The following TACC1 variants were observed in gnomAD, a reference collection of about 807,000 sequenced individuals.
TACC1 encodes the protein transforming acidic coiled-coil containing protein 1, also known as transforming acidic coiled-coil-containing protein 1.
TACC1 carries 48 observed loss-of-function variants against 84.4 expected under a neutral mutation model. The observed-to-expected ratio is 0.57, with a 90% CI of 0.45 to 0.72. The LOEUF is 0.72. Among genes scored for constraint, TACC1 ranks in the 30% least tolerant of loss-of-function variants. TACC1 has a pLI of 0.00. For missense variants in TACC1, 920 were observed against 973.0 expected, an observed-to-expected ratio of 0.95 and a Z score of 0.72; for synonymous variants, 372 against 376.3, an observed-to-expected ratio of 0.99 and a Z score of 0.13.
At chr8:38,832,682 G>T (rs1451600030) in intron 6 of TACC1, among the ~76,000 whole-genome samples, 2 of 152,180 alleles carry the variant, frequency 1.3e-5, no homozygotes, top group Non-Finnish European at 2.9e-5. Context: ...TTCAGCTGTT[G>T]TTCCACAGCA....
rs532243532 is a variant in TACC1 at position 38,838,281 on chromosome 8, C to G, written c.1840-189C>G. 4.5e-4 allele frequency among the ~76,000 whole-genome samples: 69 copies of G among 152,376 alleles called. No individual in the cohort carries two copies. In the Middle Eastern group the frequency reaches 0.01, roughly 23 times the overall value. On this transcript the variant is annotated intron_variant, in intron 7 of 12. Coordinates refer to ENST00000317827, the MANE Select transcript of TACC1 (RefSeq NM_006283.3). ...GTTCTACTCATCTTTATTCCCGTGT[C>G]TGCATCCCAGCATTCAGTGTGGCTT...
At chr8:38,821,813 T>C (rs772234584) in intron 3 of TACC1, among the ~76,000 whole-genome samples, 1 of 152,300 alleles carries the variant, frequency 6.6e-6, no homozygotes, top group Middle Eastern at 3.4e-3. Flanking sequence ...GATTTTGTTG[T>C]GTGAACATCG....
intron 2 of TACC1, among the ~76,000 whole-genome samples, chr8:38,794,149 T>G (rs1819411054): frequency 6.6e-6 from 1 of 152,172 alleles, no homozygotes; most frequent in African/African-American, 2.4e-5. Flanking sequence ...AACTTGATTT[T>G]CAATTGACTC....
chr8:38,808,805 C>T (rs1261360959), intron 2 of TACC1, among the ~76,000 whole-genome samples: 1 of 152,210 alleles, frequency 6.6e-6, no homozygotes, highest in Non-Finnish European at 1.5e-5. Flanking sequence ...CTTACCCAAA[C>T]ATACCTTTTC....
intron 3 of TACC1, among the ~76,000 whole-genome samples, chr8:38,763,089 CTGT>C (rs1811533583): frequency 6.6e-6 from 1 of 152,136 alleles, no homozygotes. Flanking sequence ...TTGTTATTTT[CTGT>C]TGTTGTTTTT....
At chr8:38,815,527 C>A (rs1187429714) in intron 2 of TACC1, among the ~76,000 whole-genome samples, 1 of 152,068 alleles carries the variant, frequency 6.6e-6, no homozygotes, top group Non-Finnish European at 1.5e-5. Context: ...TCAAGCGATT[C>A]TCCTGTTTCA....
rs984748337 is a variant in TACC1, at chr8:38,788,730, C to T, written c.188C>T (p.Thr63Ile). 2.5e-6 allele frequency: 4 copies of T among 1,613,954 alleles called. No homozygotes were observed. The highest frequency in any genetic ancestry group is 3.4e-6 in the Non-Finnish European group (4 of 1,179,952). The stretch of plus-strand genomic sequence containing the variant: ...TCGGATTCTGAAGGTAATTTTGAGA[C>T]TCCTGAAGCTGAAACCCCGATCCGA... Reference protein sequence around the residue: ...FSSDSEGNFETPEAETPIRSP... With the variant: ...FSSDSEGNFEIPEAETPIRSP... The change falls in exon 2 of 13, where the codon ACT (threonine) becomes ATT (isoleucine). Residue 63 changes from threonine to isoleucine, a missense_variant. By Grantham distance (89) the Thr-to-Ile change is moderately conservative. Coordinates refer to ENST00000317827, the MANE Select transcript of TACC1 (RefSeq NM_006283.3).
intron 2 of TACC1, among the ~76,000 whole-genome samples, chr8:38,800,321 G>A (rs1450186401): frequency 1.3e-5 from 2 of 151,948 alleles, no homozygotes; most frequent in Non-Finnish European, 2.9e-5. Flanking sequence ...TTAATTTATC[G>A]ACAGAGTTGT....
intron 2 of TACC1, chr8:38,744,052 G>A (rs1807593399): frequency 6.6e-6 from 1 of 152,180 alleles, no homozygotes; most frequent in Admixed American, 6.5e-5. Flanking sequence ...TATGTCAATT[G>A]ATTGTCCACA....
intron 2 of TACC1, among the ~76,000 whole-genome samples, chr8:38,800,301 A>G (rs780854115): frequency 1.3e-5 from 2 of 152,204 alleles, no homozygotes; most frequent in Non-Finnish European, 2.9e-5. Flanking sequence ...TAAAAGCTTT[A>G]TGATAGTTTT....
At chr8:38,770,640 C>T (rs1813417184) in intron 3 of TACC1, among the ~76,000 whole-genome samples, 1 of 152,028 alleles carries the variant, frequency 6.6e-6, no homozygotes, top group South Asian at 2.1e-4. Context: ...GAGAGCCGCA[C>T]GATAGATGTC....
At chr8:38,823,920 C>T (rs1312858933) in intron 3 of TACC1, 37 of 1,149,964 alleles carry the variant, frequency 3.2e-5, no homozygotes, top group Non-Finnish European at 4.3e-5. Context: ...GTTGAATATT[C>T]CAGTCTTTAC....
At chr8:38,805,487 T>TGA (rs1822461091) in intron 2 of TACC1, 1 of 152,380 alleles carries the variant, frequency 6.6e-6, no homozygotes, top group Non-Finnish European at 1.5e-5. Context: ...GGCAGTCCTA[T>TGA]GAGGCGGTGG....
intron 12 of TACC1, 35 bp from the exon 13 acceptor site, chr8:38,847,920 A>G: frequency 1.3e-6 from 2 of 1,584,616 alleles, no homozygotes; most frequent in South Asian, 1.1e-5. Flanking sequence ...TCAGAATACA[A>G]AGTGGCCTGC....
intron 2 of TACC1, among the ~76,000 whole-genome samples, chr8:38,808,166 A>G (rs925355369): frequency 6.6e-6 from 1 of 152,180 alleles, no homozygotes; most frequent in African/African-American, 2.4e-5. Context: ...AACTCCTTCT[A>G]GAGAGAGAGC....
chr8:38,801,960 C>A (rs1015767059), intron 2 of TACC1, among the ~76,000 whole-genome samples: 1 of 152,186 alleles, frequency 6.6e-6, no homozygotes, highest in Admixed American at 6.6e-5. Context: ...GTCACCCAAG[C>A]TGGATTGCAG....
chr8:38,794,848 G>T (rs1239634161), intron 2 of TACC1, among the ~76,000 whole-genome samples: 2 of 152,252 alleles, frequency 1.3e-5, no homozygotes, highest in Non-Finnish European at 2.9e-5. Flanking sequence ...TAGTCCAGCA[G>T]TCCAACCCAT....
intron 3 of TACC1, among the ~76,000 whole-genome samples, chr8:38,768,060 G>C (rs73611036): frequency 0.3 from 42,473 of 140,820 alleles, 6,790 homozygotes; most frequent in African/African-American, 0.43. Context: ...AGAGTGAGAC[G>C]CTGTCTTGAA....
chr8:38,819,708 A>C lies in TACC1; in HGVS notation c.464A>C (p.Glu155Ala), dbSNP rs1563759698. 6.2e-7 allele frequency: 1 copy of C among 1,614,186 alleles called. No individual in the cohort carries two copies. Among genetic ancestry groups the C allele is most frequent in the African/African-American group, 1.3e-5 (1 of 75,052 alleles). Residue 155 changes from glutamate to alanine, a missense_variant, in exon 3 of 13, where the codon GAA (glutamate) becomes GCA (alanine). Physicochemically the swap from Glu to Ala is moderately radical, Grantham distance 107. Coordinates refer to ENST00000317827, the MANE Select transcript of TACC1 (RefSeq NM_006283.3). ...KISIVRPFSIETKDSTDISAV... is the reference protein window; with the variant it reads ...KISIVRPFSIATKDSTDISAV... ...TCCATCGTGAGGCCATTTTCAATAG[A>C]AACGAAGGATTCCACGGATATCTCG... is the stretch of plus-strand genomic sequence containing the variant.
Sources: gnomAD v4.1 joint callset for allele counts (sites outside exome capture counted in the v4.1 genomes callset) on GRCh38, gnomAD v4.1.1 for gene constraint, MANE v1.5 for transcripts, NCBI Gene and HGNC (gene_info 2026-07-23, HGNC 2026-07-21) for gene names.